The following DROSHA variants were observed in gnomAD, a reference collection of about 807,000 sequenced individuals.
The protein encoded by DROSHA is ribonuclease 3.
In DROSHA, 56 loss-of-function variants were observed where a neutral mutation model predicts 181.9. The ratio of observed to expected loss-of-function variants is 0.31; its 90% confidence interval spans 0.25 to 0.38. The LOEUF is 0.38. Ranked by LOEUF, DROSHA falls within the 10% of genes least tolerant of loss-of-function variation. The probability of loss-of-function intolerance (pLI) is 1.00; values close to 1 mark genes in which losing one functional copy is unlikely to be tolerated. For synonymous variants in DROSHA, 524 were observed against 591.2 expected (o/e 0.89, Z 1.65); for missense variants, 1,218 against 1,743.5 (o/e 0.70, Z 5.37).
At chr5:31,451,313 T>C (rs1013241243) in intron 21 of DROSHA, among the ~76,000 whole-genome samples, 4 of 152,094 alleles carry the variant, frequency 2.6e-5, no homozygotes, top group Non-Finnish European at 4.4e-5. Flanking sequence ...AGTTGACAAA[T>C]TTTAGTTTTA....
At chr5:31,518,732 A>C (rs1412056424) in intron 6 of DROSHA, among the ~76,000 whole-genome samples, 1 of 152,232 alleles carries the variant, frequency 6.6e-6, no homozygotes. Context: ...AGCTTTGAAA[A>C]TCAGTCACTT....
At chr5:31,444,806 T>C (rs1462775361) in intron 23 of DROSHA, among the ~76,000 whole-genome samples, 1 of 152,230 alleles carries the variant, frequency 6.6e-6, no homozygotes, top group East Asian at 1.9e-4. Flanking sequence ...CAGAACATCA[T>C]AGTGAGGTAT....
chr5:31,424,344 TG>T, intron 28 of DROSHA, 82 bp downstream of exon 28: 1 of 1,485,606 alleles, frequency 6.7e-7, no homozygotes, highest in Non-Finnish European at 9.1e-7. Context: ...AAGATAAAAG[TG>T]GGGAAGGAAA....
chr5:31,408,569 G>T (rs1740924307), intron 33 of DROSHA, among the ~76,000 whole-genome samples: 1 of 152,018 alleles, frequency 6.6e-6, no homozygotes, highest in South Asian at 2.1e-4. Flanking sequence ...AGTACATGAT[G>T]GCTTTTGACA....
chr5:31,519,382 T>G (rs550862692), intron 6 of DROSHA, among the ~76,000 whole-genome samples: 41 of 152,252 alleles, frequency 2.7e-4, no homozygotes, highest in African/African-American at 9.4e-4. Context: ...TCCTTCCTAA[T>G]TAATCTCATC....
chr5:31,420,217 G>A (rs1289901619), intron 30 of DROSHA, among the ~76,000 whole-genome samples: 2 of 152,164 alleles, frequency 1.3e-5, no homozygotes, highest in African/African-American at 4.8e-5. Flanking sequence ...AAAAACTGTA[G>A]AGATGCAAAG....
chr5:31,482,396 T>G (rs970098115), intron 16 of DROSHA, among the ~76,000 whole-genome samples: 1 of 151,720 alleles, frequency 6.6e-6, no homozygotes, highest in African/African-American at 2.4e-5. Flanking sequence ...AAAGTAGCCA[T>G]ACATAAGGAG....
At position 31,511,191 on chromosome 5, in the gene DROSHA, G is replaced by A. The variant is rs750935401; in HGVS notation, c.1291-15C>T. 1.4e-5 allele frequency: 23 copies of A among 1,609,116 alleles called. No individual in the cohort carries two copies. The South Asian group carries it at 2.4e-4, about 17-fold the overall frequency. On this transcript the variant is annotated splice_polypyrimidine_tract_variant and intron_variant, in intron 8 of 35. Coordinates refer to ENST00000344624, the MANE Select transcript of DROSHA (RefSeq NM_001382508.1). ...GTAGAATCTCCCTTTTAAAAATAAA[G>A]GATCAATATTAGGAACTATATCAAT...
chr5:31,409,627 G>A lies in DROSHA; in HGVS notation c.3668-295C>T. On this transcript the variant is annotated intron_variant, in intron 31 of 35. Transcript: ENST00000344624. This position sits in a 1 kb window ranked among gnomAD's most constrained non-coding sequence, Gnocchi z 4.0. ...CGCTGTATATCAGGGAAAAAATGCT[G>A]AGCACCCAACCCTGTTCACATCAAA... 2.9e-6 allele frequency: 1 copy of A among 341,460 alleles called. No homozygotes were observed. The highest frequency in any genetic ancestry group is 3.7e-5 in the South Asian group (1 of 27,206). The allele number at this position is 341,460 out of a possible 1,614,324, so 21.2% of individuals were successfully genotyped here. A position where few individuals can be genotyped will look rare whatever the true frequency, so the allele number is the denominator to read the frequency against.
intron 20 of DROSHA, among the ~76,000 whole-genome samples, chr5:31,457,465 G>A (rs1747813494): frequency 6.6e-6 from 1 of 152,094 alleles, no homozygotes; most frequent in Non-Finnish European, 1.5e-5. Context: ...CCTGTCCGGG[G>A]TGGGTGGCAA....
chr5:31,438,158 T>C (rs899219727), intron 23 of DROSHA, among the ~76,000 whole-genome samples: 15 of 152,232 alleles, frequency 9.9e-5, no homozygotes, highest in African/African-American at 3.6e-4. Flanking sequence ...AACCTCCTCC[T>C]GTGTCTCAGT....
intron 9 of DROSHA, 48 bp from the exon 10 acceptor site, chr5:31,508,823 C>T (rs1300285779): frequency 7.3e-7 from 1 of 1,373,690 alleles, no homozygotes; most frequent in Non-Finnish European, 9.6e-7. Flanking sequence ...AATTAACAAA[C>T]TGGTTTTTTT....
chr5:31,452,756 T>G (rs1480235136), intron 20 of DROSHA, among the ~76,000 whole-genome samples: 1 of 152,222 alleles, frequency 6.6e-6, no homozygotes, highest in Non-Finnish European at 1.5e-5. Flanking sequence ...AAAATCTTTC[T>G]TGCCAGTTCA....
intron 11 of DROSHA, among the ~76,000 whole-genome samples, chr5:31,501,155 T>G (rs567108039): frequency 1.6e-4 from 25 of 152,290 alleles, no homozygotes; most frequent in Admixed American, 1.5e-3. Flanking sequence ...AAAAGAGGAA[T>G]AGCAGACAGT....
Position 31,507,458 on chromosome 5 carries a change from C to CAA in DROSHA, c.1587+1161_1587+1162dup, listed in dbSNP as rs74582937. Among the ~76,000 whole-genome samples the CAA allele has an allele frequency of 1.5e-3, 182 of 122,792 alleles. 6 individuals are homozygous for CAA. Among genetic ancestry groups the CAA allele is most frequent in the African/African-American group, 5.1e-3 (163 of 31,894 alleles). The allele number at this position is 122,792 out of a possible 152,430, so 80.6% of individuals were successfully genotyped here. ...AGGCAATAAGAGCGAAACTCTGTCT[C>CAA]AAAAAAAAAAAAAAAACTAGCCAGG... On this transcript the variant is annotated intron_variant, in intron 10 of 35. Coordinates refer to ENST00000344624, the MANE Select transcript of DROSHA (RefSeq NM_001382508.1).
At chr5:31,428,021 T>C (rs1427486917) in intron 27 of DROSHA, among the ~76,000 whole-genome samples, 2 of 152,228 alleles carry the variant, frequency 1.3e-5, no homozygotes, top group Non-Finnish European at 2.9e-5. Context: ...CACTCTGCTT[T>C]TAATCCAGTC....
intron 22 of DROSHA, 64 bp downstream of exon 22, chr5:31,449,217 T>C: frequency 6.3e-7 from 1 of 1,582,836 alleles, no homozygotes; most frequent in Admixed American, 1.7e-5. Flanking sequence ...AGAGGCGAAA[T>C]AATTTACAAC....
intron 23 of DROSHA, among the ~76,000 whole-genome samples, chr5:31,439,253 C>T (rs1745253999): frequency 6.6e-6 from 1 of 152,172 alleles, no homozygotes; most frequent in South Asian, 2.1e-4. Context: ...TTTTAAATTG[C>T]ATGCTGTTCT....
chr5:31,470,615 C>T lies in DROSHA; in HGVS notation c.2241+1448G>A, dbSNP rs1254383898. Reference sequence around the variant, plus strand: ...AAAAACAAGCAGTGAGAAAATCAAACGTTTGAGGATTTTTTTTTAACTACA... The same window carrying T: ...AAAAACAAGCAGTGAGAAAATCAAATGTTTGAGGATTTTTTTTTAACTACA... On this transcript the variant is annotated intron_variant, in intron 17 of 35. Transcript: ENST00000344624. This position sits in a 1 kb window ranked among gnomAD's most constrained non-coding sequence, Gnocchi z 4.0. 3.3e-5 allele frequency among the ~76,000 whole-genome samples: 5 copies of T among 152,082 alleles called. No individual in the cohort carries two copies. Among genetic ancestry groups the T allele is most frequent in the African/African-American group, 1.2e-4 (5 of 41,468 alleles).
Sources: gnomAD v4.1 joint callset for allele counts (sites outside exome capture counted in the v4.1 genomes callset) on GRCh38, gnomAD v4.1.1 for gene constraint, Gnocchi (gnomAD v3.1) non-coding constraint, MANE v1.5 for transcripts, NCBI Gene and HGNC (gene_info 2026-07-23, HGNC 2026-07-21) for gene names.